The following SIDT1 variants were observed in gnomAD, a reference collection of about 807,000 sequenced individuals.
The protein encoded by SIDT1 is SID1 transmembrane family member 1, also known as SID1 transmembrane family, member 1.
A neutral mutation model predicts 107.5 loss-of-function variants in SIDT1; 101 were observed. The observed-to-expected ratio is 0.94, with a 90% CI of 0.80 to 1.11. The LOEUF is 1.11. Among genes scored for constraint, SIDT1 ranks in the 50% least tolerant of loss-of-function variants. The pLI, the probability that SIDT1 is intolerant of heterozygous loss-of-function variation, is 0.00. For synonymous variants in SIDT1, 395 were observed against 398.2 expected (o/e 0.99, Z 0.10); for missense variants, 1,076 against 1,058.2 (o/e 1.02, Z -0.23).
At position 113,612,475 on chromosome 3, in the gene SIDT1, C is replaced by T. The variant is rs1365214151; in HGVS notation, c.1966+281C>T. ...CCAACCCCTGGTTGCAAACACTTTA[C>T]AGTCTGCCAAACTTTGACTTGTATT... is the stretch of plus-strand genomic sequence containing the variant. On this transcript the variant is annotated intron_variant, in intron 19 of 24. Coordinates refer to ENST00000264852, the MANE Select transcript of SIDT1 (RefSeq NM_017699.3). The T allele has an allele frequency of 7.7e-6, 4 of 516,818 alleles. No individual in the cohort carries two copies. In the East Asian group the frequency reaches 1.5e-4, roughly 19 times the overall value. The allele number at this position is 516,818 out of a possible 1,614,324, so 32.0% of individuals were successfully genotyped here.
At chr3:113,548,736 C>T (rs1401408808) in intron 1 of SIDT1, among the ~76,000 whole-genome samples, 1 of 152,134 alleles carries the variant, frequency 6.6e-6, no homozygotes, top group Non-Finnish European at 1.5e-5. Flanking sequence ...CCTTATCTTC[C>T]TGGCCACTTC....
chr3:113,544,535 T>G (rs766012653), intron 1 of SIDT1, among the ~76,000 whole-genome samples: 4 of 152,194 alleles, frequency 2.6e-5, no homozygotes, highest in Non-Finnish European at 4.4e-5. Context: ...AACATTTCTT[T>G]GTTCTTTCTT....
chr3:113,571,752 G>A (rs1942478863), intron 3 of SIDT1, among the ~76,000 whole-genome samples: 1 of 152,142 alleles, frequency 6.6e-6, no homozygotes, highest in African/African-American at 2.4e-5. Flanking sequence ...TGGCCAATAT[G>A]GTGAAACTCC....
At chr3:113,600,265 G>A (rs1432708531) in intron 10 of SIDT1, among the ~76,000 whole-genome samples, 1 of 151,950 alleles carries the variant, frequency 6.6e-6, no homozygotes, top group African/African-American at 2.4e-5. Context: ...AGCCGAGATC[G>A]TACTACTGCA....
At position 113,603,060 on chromosome 3, in the gene SIDT1, G is replaced by A. The variant is rs187326946; in HGVS notation, c.1173G>A (p.Pro391=). The part of the protein sequence containing the change: ...RQMSSSDGGP[P]GQSDTDSSVE... ...TGTCCTCCTCCGATGGTGGGCCACC[G>A]GGCCAGTCAGACACAGACAGCTCCG... The change falls in exon 12 of 25, where the codon CCG becomes CCA. Residue 391 remains proline (P), a synonymous_variant. Coordinates refer to ENST00000264852, the MANE Select transcript of SIDT1 (RefSeq NM_017699.3). 9.3e-6 allele frequency: 15 copies of A among 1,614,096 alleles called. No homozygotes were observed. In the African/African-American group the frequency reaches 1.2e-4, roughly 13 times the overall value.
chr3:113,579,927 T>C (rs1943199296), intron 4 of SIDT1, among the ~76,000 whole-genome samples: 1 of 152,230 alleles, frequency 6.6e-6, no homozygotes, highest in East Asian at 1.9e-4. Flanking sequence ...CATGGGTAAA[T>C]AGTACAACCT....
At position 113,533,110 on chromosome 3, in the gene SIDT1, G is replaced by A. The variant is rs773770406; in HGVS notation, c.89G>A (p.Arg30Lys). ...CCCGGGCACCCGGCGAAATCCCCCA[G>A]GCAGCCCCCGGCACCGCGCCGCGAC... is the stretch of plus-strand genomic sequence containing the variant. ...ASPGHPAKSP[R>K]QPPAPRRDPF... The change falls in exon 1 of 25, where the codon AGG (arginine) becomes AAG (lysine). Residue 30 changes from arginine to lysine, a missense_variant. Arg to Lys is a conservative substitution (Grantham distance 26, BLOSUM62 2). Coordinates refer to ENST00000264852, the MANE Select transcript of SIDT1 (RefSeq NM_017699.3). 1.3e-6 allele frequency: 2 copies of A among 1,540,902 alleles called. No individual in the cohort carries two copies. Among genetic ancestry groups the A allele is most frequent in the Non-Finnish European group, 1.7e-6 (2 of 1,145,628 alleles).
chr3:113,575,306 C>T (rs1567781), intron 3 of SIDT1, among the ~76,000 whole-genome samples: 44,047 of 152,036 alleles, frequency 0.29, 7,113 homozygotes, highest in East Asian at 0.59. Context: ...GAAGTCATGT[C>T]GCCAGCCAAG....
chr3:113,616,314 TG>T (rs1946101664), intron 20 of SIDT1, 138 bp downstream of exon 20: 5 of 666,244 alleles, frequency 7.5e-6, no homozygotes, highest in Non-Finnish European at 1.4e-5. Context: ...GGCCCATTAG[TG>T]GGAGAAGGAG....
chr3:113,623,806 C>A, intron 23 of SIDT1, 73 bp downstream of exon 23: 1 of 961,522 alleles, frequency 1.0e-6, no homozygotes, highest in Non-Finnish European at 1.7e-6. Flanking sequence ...CTACCTCCCT[C>A]TCTTAATGTG....
At chr3:113,581,643 C>T (rs1388349772) in intron 6 of SIDT1, 199 bp downstream of exon 6, 8 of 521,538 alleles carry the variant, frequency 1.5e-5, no homozygotes, top group Admixed American at 6.5e-5. Context: ...GAGGCCAAGG[C>T]GAGCGGATCA....
intron 11 of SIDT1, 122 bp downstream of exon 11, chr3:113,601,781 T>C (rs1311540854): frequency 1.6e-6 from 1 of 612,028 alleles, no homozygotes; most frequent in Non-Finnish European, 2.8e-6. Flanking sequence ...TGAGATTGTC[T>C]TTTATTTGTA....
At chr3:113,611,262 T>G (rs1240608527) in intron 18 of SIDT1, 118 bp downstream of exon 18, 3 of 1,182,916 alleles carry the variant, frequency 2.5e-6, no homozygotes, top group Admixed American at 2.3e-5. Flanking sequence ...CATGACACAA[T>G]TTCATCTCAT....
Position 113,607,045 on chromosome 3 carries a change from T to C in SIDT1, c.1409T>C (p.Val470Ala), listed in dbSNP as rs1945385657. 1.2e-6 allele frequency: 2 copies of C among 1,607,452 alleles called. No individual in the cohort carries two copies. Among genetic ancestry groups the C allele is most frequent in the South Asian group, 1.1e-5 (1 of 90,924 alleles). The change falls in exon 15 of 25, where the codon GTA becomes GCA. Residue 470 changes from valine (V) to alanine (A), a missense_variant. Val to Ala is a moderately conservative substitution (Grantham distance 64). Transcript: ENST00000264852. ...IQLVITYQTV[V>A]NVTGNQDICY... Reference sequence around the variant, plus strand: ...TTCTCACTCTTGATTTTACAGGTGGTAAATGTCACTGGCAACCAGGACATC... The same window carrying C: ...TTCTCACTCTTGATTTTACAGGTGGCAAATGTCACTGGCAACCAGGACATC...
At chr3:113,556,893 C>T (rs1348578078) in intron 1 of SIDT1, among the ~76,000 whole-genome samples, 1 of 143,916 alleles carries the variant, frequency 6.9e-6, no homozygotes, top group Admixed American at 7.1e-5. Flanking sequence ...GATCTCGCCT[C>T]ACCGCAATCT....
chr3:113,559,143 A>G (rs1226157066), intron 1 of SIDT1, among the ~76,000 whole-genome samples: 2 of 152,250 alleles, frequency 1.3e-5, no homozygotes, highest in Non-Finnish European at 2.9e-5. Flanking sequence ...CAATGCTTGC[A>G]GTGAACATTC....
rs554018590 is a variant in SIDT1 at position 113,576,276 on chromosome 3, T to G, written c.516-646T>G. Among the ~76,000 whole-genome samples, 10 of 152,266 alleles carry G rather than the reference T, an allele frequency of 6.6e-5. No individual in the cohort carries two copies. In the South Asian group the frequency reaches 2.1e-3, roughly 32 times the overall value. On this transcript the variant is annotated intron_variant, in intron 3 of 24. Transcript: ENST00000264852. ...CCAATTGAAGAGAAAAAAACCTCAT[T>G]ATATTCTTTTGGTGGTATTTATGTT...
At chr3:113,592,875 C>A (rs761474830) in intron 9 of SIDT1, 130 bp from the exon 10 acceptor site, 3 of 772,208 alleles carry the variant, frequency 3.9e-6, no homozygotes, top group African/African-American at 1.7e-5. Context: ...TGTGTGCCAC[C>A]GCACCTGGCC....
intron 1 of SIDT1, among the ~76,000 whole-genome samples, chr3:113,550,916 C>G (rs1023862526): frequency 1.3e-5 from 2 of 152,120 alleles, no homozygotes; most frequent in African/African-American, 4.8e-5. Flanking sequence ...TCTCCTCCCA[C>G]CCTCCACCCT....
Sources: allele counts gnomAD v4.1 joint callset (sites outside exome capture counted in the v4.1 genomes callset), GRCh38; gene constraint gnomAD v4.1.1; transcripts MANE v1.5; gene names NCBI Gene and HGNC (gene_info 2026-07-23, HGNC 2026-07-21).